SLC5A4: variants seen among roughly 807,000 people sequenced by gnomAD.
The protein encoded by SLC5A4 is probable glucose sensor protein SLC5A4.
Under a neutral mutation model 70.3 loss-of-function variants are expected in SLC5A4, and 55 were observed. The ratio of observed to expected loss-of-function variants is 0.78; its 90% CI spans 0.63 to 0.98. SLC5A4 has a LOEUF of 0.98. SLC5A4 is among the 50% of genes least tolerant of loss of function. The pLI, the probability that SLC5A4 is intolerant of heterozygous loss-of-function variation, is 0.00. For synonymous variants in SLC5A4, 268 were observed against 305.7 expected (o/e 0.88, Z 1.29); for missense variants, 735 against 839.2 (o/e 0.88, Z 1.53).
intron 3 of SLC5A4, among the ~76,000 whole-genome samples, chr22:32,251,357 T>A (rs1927143460): frequency 6.6e-6 from 1 of 151,972 alleles, no homozygotes; most frequent in African/African-American, 2.4e-5. Context: ...TGAGGGCTCT[T>A]CCCTCATAAA....
At chr22:32,324,235 A>G in the SLC5A4 span, among the ~76,000 whole-genome samples, 1 of 151,008 alleles carries the variant, frequency 6.6e-6, no homozygotes, top group African/African-American at 2.5e-5. Context: ...ATATGTGTAT[A>G]CATATGTATG....
intron 11 of SLC5A4, 146 bp from the exon 12 acceptor site, chr22:32,225,969 G>A (rs967923165): frequency 1.3e-5 from 7 of 535,558 alleles, no homozygotes; most frequent in Non-Finnish European, 2.3e-5. Flanking sequence ...AACCCATGCT[G>A]TGCTTAATGG....
intron 10 of SLC5A4, 81 bp from the exon 11 acceptor site, chr22:32,229,425 G>T: frequency 6.9e-7 from 1 of 1,443,448 alleles, no homozygotes; most frequent in South Asian, 1.3e-5. Context: ...AAGGTTAAAA[G>T]TATCATCTGG....
the SLC5A4 span, among the ~76,000 whole-genome samples, chr22:32,318,669 T>C: frequency 6.6e-6 from 1 of 152,212 alleles, no homozygotes; most frequent in Non-Finnish European, 1.5e-5. Context: ...GTGTCTGTGC[T>C]GGTCAGCCCC....
rs1050661996 is a variant in SLC5A4 at position 32,224,415 on chromosome 22, T to C, written c.1517A>G (p.Tyr506Cys). 1.2e-6 allele frequency: 2 copies of C among 1,613,996 alleles called. No homozygotes were observed. Among genetic ancestry groups the C allele is most frequent in the Non-Finnish European group, 8.5e-7 (1 of 1,180,026 alleles). The change falls in exon 13 of 15, where the codon TAT becomes TGT. Residue 506 changes from tyrosine to cysteine, a missense_variant. Tyr to Cys is a radical substitution (Grantham distance 194, BLOSUM62 -2). Transcript: ENST00000266086. ...GLIRMITEFA[Y>C]GTGSCLAPSN... Reference sequence around the variant, plus strand: ...GGGAGCCAAGCAACTCCCTGTTCCATAAGCAAACTCTGTTATCATACGAAT... The same window carrying C: ...GGGAGCCAAGCAACTCCCTGTTCCACAAGCAAACTCTGTTATCATACGAAT...
chr22:32,225,739 G>A lies in SLC5A4; in HGVS notation c.1365C>T (p.Tyr455=), dbSNP rs754626557. The A allele has an allele frequency of 6.2e-7, 1 of 1,611,178 alleles. No homozygotes were observed. Among genetic ancestry groups the A allele is most frequent in the Non-Finnish European group, 8.5e-7 (1 of 1,177,316 alleles). The part of the protein sequence containing the change: ...QVSQNGQLIH[Y]TESISSYLGP... Reference sequence around the variant, plus strand: ...CAAGGTAGCTAGAAATTGATTCTGTGTAATGGATTAGTTGTCCATTTTGAG... The same window carrying A: ...CAAGGTAGCTAGAAATTGATTCTGTATAATGGATTAGTTGTCCATTTTGAG... The change falls in exon 12 of 15, where the codon TAC becomes TAT. Residue 455 remains tyrosine, a synonymous_variant. Coordinates refer to ENST00000266086, the MANE Select transcript of SLC5A4 (RefSeq NM_014227.3).
At chr22:32,263,072 AT>A in the SLC5A4 span, among the ~76,000 whole-genome samples, 89,277 of 146,358 alleles carry the variant, frequency 0.61, 29,049 homozygotes, top group African/African-American at 0.88. Flanking sequence ...CCGGCCCTAC[AT>A]TTTTTTTTTT....
chr22:32,270,561 G>T, the SLC5A4 span: 4 of 718,510 alleles, frequency 5.6e-6, no homozygotes, highest in Non-Finnish European at 1.0e-5. Context: ...CCATATTCCC[G>T]CAGATGGGGC....
At chr22:32,353,368 C>A in the SLC5A4 span, among the ~76,000 whole-genome samples, 1 of 152,106 alleles carries the variant, frequency 6.6e-6, no homozygotes, top group Non-Finnish European at 1.5e-5. Context: ...ACTGCGTGCC[C>A]GGGGGTCCCA....
chr22:32,227,429 G>A (rs1925469188), intron 11 of SLC5A4, among the ~76,000 whole-genome samples: 1 of 152,126 alleles, frequency 6.6e-6, no homozygotes, highest in Non-Finnish European at 1.5e-5. Flanking sequence ...TTTGGGTTTT[G>A]CCCCAAGTGT....
At chr22:32,328,698 A>T in the SLC5A4 span, among the ~76,000 whole-genome samples, 2 of 152,174 alleles carry the variant, frequency 1.3e-5, no homozygotes, top group African/African-American at 4.8e-5. Flanking sequence ...CCACACCCTG[A>T]CTTACACCTT....
chr22:32,266,271 G>T, the SLC5A4 span, among the ~76,000 whole-genome samples: 1 of 152,064 alleles, frequency 6.6e-6, no homozygotes, highest in Non-Finnish European at 1.5e-5. Flanking sequence ...CGTGTCTTTT[G>T]GTGGGCGTTT....
the SLC5A4 span, among the ~76,000 whole-genome samples, chr22:32,333,202 C>CA: frequency 2.2e-4 from 33 of 148,946 alleles, no homozygotes; most frequent in African/African-American, 6.9e-4. Context: ...TGGCACCCCC[C>CA]CCCCAGAAGA....
intron 5 of SLC5A4, among the ~76,000 whole-genome samples, chr22:32,239,544 ATATATATATATATATATATAT>A (rs1569374764): frequency 4.0e-4 from 5 of 12,632 alleles, no homozygotes; most frequent in South Asian, 1.9e-3. Flanking sequence ...ATATATATAT[ATATATATATATATATATATAT>A]ATATTTATAT....
chr22:32,340,450 CTT>C, the SLC5A4 span, among the ~76,000 whole-genome samples: 2 of 152,208 alleles, frequency 1.3e-5, no homozygotes, highest in African/African-American at 4.8e-5. Flanking sequence ...TCCCAACTCT[CTT>C]GGGGTTTCCA....
the SLC5A4 span, among the ~76,000 whole-genome samples, chr22:32,273,779 CAAAACAAACAAACAAGCAAACA>C: frequency 7.3e-5 from 11 of 151,396 alleles, no homozygotes; most frequent in African/African-American, 2.7e-4. Context: ...CAAGAGAAAG[CAAAACAAACAAACAAGCAAACA>C]AAAACAAACA....
the SLC5A4 span, chr22:32,268,606 A>C: frequency 1.3e-5 from 2 of 152,292 alleles, no homozygotes; most frequent in Non-Finnish European, 2.9e-5. Context: ...ATTTGCTCTC[A>C]GCCCATCAAT....
chr22:32,277,255 C>A, the SLC5A4 span: 2 of 152,178 alleles, frequency 1.3e-5, no homozygotes, highest in Non-Finnish European at 2.9e-5. Context: ...GAAGTTAGTA[C>A]ATATTTCTGG....
chr22:32,329,684 GGTGT>G, the SLC5A4 span, among the ~76,000 whole-genome samples: 3 of 45,542 alleles, frequency 6.6e-5, no homozygotes, highest in Non-Finnish European at 8.1e-5. Context: ...TGGGGGCTCT[GGTGT>G]GTGTGTGTTG....
Sources: allele counts gnomAD v4.1 joint callset (sites outside exome capture counted in the v4.1 genomes callset), GRCh38; gene constraint gnomAD v4.1.1; transcripts MANE v1.5; gene names NCBI Gene and HGNC (gene_info 2026-07-23, HGNC 2026-07-21).